The following CACNA2D1 variants were observed in gnomAD, a reference collection of about 807,000 sequenced individuals.
The protein encoded by CACNA2D1 is voltage-dependent calcium channel subunit alpha-2/delta-1.
Under a neutral mutation model 171.5 loss-of-function variants are expected in CACNA2D1, and 53 were observed. The ratio of observed to expected loss-of-function variants is 0.31; its 90% CI spans 0.25 to 0.39. The LOEUF (loss-of-function observed/expected upper bound fraction) is 0.39. Ranked by LOEUF, CACNA2D1 falls within the 10% of genes least tolerant of loss-of-function variation. CACNA2D1 has a pLI of 1.00. For synonymous variants in CACNA2D1, 442 were observed against 443.1 expected, an observed-to-expected ratio of 1.00 and a Z score of 0.03; for missense variants, 903 against 1,299.8, an observed-to-expected ratio of 0.69 and a Z score of 4.69.
In CACNA2D1 at chr7:82,032,847, C is replaced by T; in HGVS notation, c.1093G>A (p.Gly365Arg). Residue 365 changes from glycine to arginine, a missense_variant, in exon 12 of 39, where the codon GGA becomes AGA. Transcript: ENST00000356860. Reference protein sequence around the residue: ...NKIIMLFTDGGEERAQEIFNK... With the variant: ...NKIIMLFTDGREERAQEIFNK... ...AATATCTCCTGGGCTCTCTCTTCTC[C>T]TCCATCCGTGAATAGCATAATAATC... The T allele has an allele frequency of 6.2e-7, 1 of 1,603,414 alleles. No individual in the cohort carries two copies. Among genetic ancestry groups the T allele is most frequent in the Non-Finnish European group, 8.5e-7 (1 of 1,171,344 alleles).
intron 6 of CACNA2D1, among the ~76,000 whole-genome samples, chr7:82,094,467 CA>C (rs1411388166): frequency 6.6e-6 from 1 of 151,934 alleles, no homozygotes; most frequent in South Asian, 2.1e-4. Context: ...CATCTGTATA[CA>C]AAAAAATCAA....
At chr7:82,340,975 T>C (rs951520547) in intron 2 of CACNA2D1, among the ~76,000 whole-genome samples, 16 of 152,294 alleles carry the variant, frequency 1.1e-4, no homozygotes, top group African/African-American at 3.6e-4. Flanking sequence ...AGAAAAGGGA[T>C]TCATTGTCAC....
chr7:82,085,163 G>A (rs1182942176), intron 6 of CACNA2D1, among the ~76,000 whole-genome samples: 1 of 152,096 alleles, frequency 6.6e-6, no homozygotes, highest in Non-Finnish European at 1.5e-5. Context: ...AACTTTGTAT[G>A]ACAGTGTCCC....
rs774764010 is a variant in CACNA2D1 at position 82,136,688 on chromosome 7, AAAG to A, written c.355-15_355-13del. On this transcript the variant is annotated splice_polypyrimidine_tract_variant and intron_variant, in intron 4 of 38. Transcript: ENST00000356860. Reference sequence around the variant, plus strand: ...ACAACTTCATTGCTCTACAAAAAAAAAAGAACGCTTTATTGATTTTAATAAAAA... The same window carrying A: ...ACAACTTCATTGCTCTACAAAAAAAAAACGCTTTATTGATTTTAATAAAAA... 4.5e-6 allele frequency: 7 copies of A among 1,564,226 alleles called. No individual in the cohort carries two copies. Among genetic ancestry groups the A allele is most frequent in the African/African-American group, 1.4e-5 (1 of 73,812 alleles).
chr7:82,321,821 C>A (rs189407189), intron 3 of CACNA2D1, among the ~76,000 whole-genome samples: 4 of 152,208 alleles, frequency 2.6e-5, no homozygotes, highest in Admixed American at 2.6e-4. Context: ...TGTTAGGAAT[C>A]ATTTCTTAAA....
At chr7:82,083,550 A>G (rs1810063755) in intron 7 of CACNA2D1, among the ~76,000 whole-genome samples, 1 of 152,078 alleles carries the variant, frequency 6.6e-6, no homozygotes, top group South Asian at 2.1e-4. Flanking sequence ...ATATTCCATA[A>G]AGGGAAAATT....
chr7:82,231,578 TTAAAAAAAATCACATTGTATAG>T (rs1248494216), intron 3 of CACNA2D1, among the ~76,000 whole-genome samples: 1 of 152,118 alleles, frequency 6.6e-6, no homozygotes, highest in African/African-American at 2.4e-5. Context: ...TAAATTGCCA[TTAAAAAAAATCACATTGTATAG>T]TAAGTAGAAA....
intron 1 of CACNA2D1, among the ~76,000 whole-genome samples, chr7:82,426,252 A>T (rs1026533840): frequency 2.0e-5 from 3 of 152,056 alleles, no homozygotes; most frequent in Non-Finnish European, 4.4e-5. Flanking sequence ...TTTCCTCTGT[A>T]TAATCTGATT....
Position 81,991,230 on chromosome 7 carries a change from C to T in CACNA2D1, c.1751G>A (p.Gly584Glu), listed in dbSNP as rs1248216721. ...AGGTGTCCATGTGTATGTCCTGTTT[C>T]CTTTGTCAATATATCTCTAGAAAGA... Reference protein sequence around the residue: ...KSQDERYIDKGNRTYTWTPVN... With the variant: ...KSQDERYIDKENRTYTWTPVN... The change falls in exon 21 of 39, where the codon GGA becomes GAA. Residue 584 changes from glycine (G) to glutamate (E), a missense_variant. By Grantham distance (98) the Gly-to-Glu change is moderately conservative. Coordinates refer to ENST00000356860, the MANE Select transcript of CACNA2D1 (RefSeq NM_000722.4). The T allele has an allele frequency of 2.6e-6, 4 of 1,526,372 alleles. No individual in the cohort carries two copies. The Admixed American group carries it at 5.0e-5, about 19-fold the overall frequency. The allele number at this position is 1,526,372 out of a possible 1,614,324, so 94.6% of individuals were successfully genotyped here.
At chr7:82,338,111 T>G (rs962166028) in intron 2 of CACNA2D1, among the ~76,000 whole-genome samples, 1 of 152,322 alleles carries the variant, frequency 6.6e-6, no homozygotes, top group African/African-American at 2.4e-5. Context: ...CACTTTGCTC[T>G]AATTAAGTCT....
intron 4 of CACNA2D1, among the ~76,000 whole-genome samples, chr7:82,167,451 A>G (rs1174254454): frequency 6.6e-6 from 1 of 152,052 alleles, no homozygotes; most frequent in Admixed American, 6.6e-5. Flanking sequence ...AACAAAAAAA[A>G]AGCTGAGAGG....
intron 3 of CACNA2D1, among the ~76,000 whole-genome samples, chr7:82,288,642 C>A (rs1811148991): frequency 6.6e-6 from 1 of 152,250 alleles, no homozygotes; most frequent in South Asian, 2.1e-4. Flanking sequence ...AGCAGGTTTT[C>A]TTCTAGTATT....
chr7:82,395,257 C>T (rs9649650), intron 1 of CACNA2D1, among the ~76,000 whole-genome samples: 26,176 of 151,644 alleles, frequency 0.17, 2,988 homozygotes, highest in East Asian at 0.45. Flanking sequence ...ATGGAGTAAA[C>T]TGAGCTAGAG....
At chr7:82,326,454 G>A (rs555449236) in intron 3 of CACNA2D1, among the ~76,000 whole-genome samples, 40 of 152,232 alleles carry the variant, frequency 2.6e-4, no homozygotes, top group African/African-American at 8.4e-4. Flanking sequence ...ACTTCTCCAG[G>A]CTTTCATTCT....
At chr7:82,407,548 A>G (rs781199186) in intron 1 of CACNA2D1, among the ~76,000 whole-genome samples, 37 of 152,226 alleles carry the variant, frequency 2.4e-4, no homozygotes, top group South Asian at 6.2e-4. Flanking sequence ...ATACCAATTT[A>G]TGCTATTATA....
At chr7:82,197,266 A>G (rs1403899282) in intron 3 of CACNA2D1, among the ~76,000 whole-genome samples, 1 of 152,070 alleles carries the variant, frequency 6.6e-6, no homozygotes, top group African/African-American at 2.4e-5. Flanking sequence ...AGGAAAATTT[A>G]TGAGATGAAT....
chr7:82,284,810 T>A (rs757671144), intron 3 of CACNA2D1, among the ~76,000 whole-genome samples: 3 of 152,156 alleles, frequency 2.0e-5, no homozygotes, highest in Non-Finnish European at 4.4e-5. Flanking sequence ...ATTCAGGCCA[T>A]AGGAATAGTA....
intron 3 of CACNA2D1, among the ~76,000 whole-genome samples, chr7:82,303,246 C>T (rs766919761): frequency 6.6e-6 from 1 of 151,926 alleles, no homozygotes; most frequent in Non-Finnish European, 1.5e-5. Flanking sequence ...ATCTGCCCAC[C>T]TTGGCCTCTA....
intron 1 of CACNA2D1, among the ~76,000 whole-genome samples, chr7:82,354,463 G>A (rs1252603441): frequency 6.6e-6 from 1 of 152,104 alleles, no homozygotes; most frequent in Admixed American, 6.6e-5. Context: ...CTAGAAGAGA[G>A]GATAATTCTT....
Sources: allele counts gnomAD v4.1 joint callset (sites outside exome capture counted in the v4.1 genomes callset), GRCh38; gene constraint gnomAD v4.1.1; transcripts MANE v1.5; gene names NCBI Gene and HGNC (gene_info 2026-07-23, HGNC 2026-07-21).